The following TCP11L1 variants were observed in gnomAD, a reference collection of about 807,000 sequenced individuals.
TCP11L1 encodes T-complex protein 11-like protein 1.
In TCP11L1, 28 loss-of-function variants were observed where a neutral mutation model predicts 48.9. That is an observed-to-expected ratio of 0.57 (90% CI 0.42 to 0.78). TCP11L1 has a LOEUF of 0.78. TCP11L1 is among the 30% of genes least tolerant of loss of function. The probability of loss-of-function intolerance (pLI) is 0.00; values close to 1 mark genes in which losing one functional copy is unlikely to be tolerated. For synonymous variants in TCP11L1, 204 were observed against 231.9 expected (o/e 0.88, Z 1.09); for missense variants, 505 against 613.4 (o/e 0.82, Z 1.87).
intron 2 of TCP11L1, among the ~76,000 whole-genome samples, 187 bp from the exon 3 acceptor site, chr11:33,054,406 T>G (rs1214878632): frequency 2.0e-5 from 3 of 152,210 alleles, no homozygotes; most frequent in African/African-American, 7.2e-5. Flanking sequence ...TGATCTCTGC[T>G]TTTAGGATTC....
intron 1 of TCP11L1, among the ~76,000 whole-genome samples, chr11:33,041,520 G>A (rs1285926768): frequency 6.6e-6 from 1 of 152,196 alleles, no homozygotes; most frequent in Non-Finnish European, 1.5e-5. Flanking sequence ...GGAGGCTGAG[G>A]CGGGCGGATC....
At chr11:33,046,390 C>G (rs1853994987) in intron 2 of TCP11L1, among the ~76,000 whole-genome samples, 1 of 152,234 alleles carries the variant, frequency 6.6e-6, no homozygotes, top group Non-Finnish European at 1.5e-5. Context: ...AATGTCAAAC[C>G]AGTACTAAGC....
Position 33,068,812 on chromosome 11 carries a change from A to G in TCP11L1, c.1280A>G (p.Gln427Arg). ...GACAAGGAGACCGTGCTCAAGGGCC[A>G]GATCCAGGCCGTGGCCAGTCCCGAT... ...TTDKETVLKG[Q>R]IQAVASPDDP... The change falls in exon 9 of 10, where the codon CAG (glutamine) becomes CGG (arginine). Residue 427 changes from glutamine (Q) to arginine (R), a missense_variant. Coordinates refer to ENST00000334274, the MANE Select transcript of TCP11L1 (RefSeq NM_018393.4). The G allele has an allele frequency of 6.2e-7, 1 of 1,614,152 alleles. No homozygotes were observed. The highest frequency in any genetic ancestry group is 8.5e-7 in the Non-Finnish European group (1 of 1,180,006).
Position 33,057,170 on chromosome 11 carries a change from G to A in TCP11L1, c.352G>A (p.Val118Met). 1 of 1,614,090 alleles carries A rather than the reference G, an allele frequency of 6.2e-7. No individual in the cohort carries two copies. Residue 118 changes from valine (V) to methionine (M), a missense_variant, in exon 4 of 10, where the codon GTG (valine) becomes ATG (methionine). Transcript: ENST00000334274. ...VHKAFWDCLS[V>M]QLSEDPPAYD... ...TAAAGCGTTTTGGGATTGCTTGAGT[G>A]TGCAGCTAAGTGAAGATCCCCCAGC...
Position 33,046,514 on chromosome 11 carries a change from G to A in TCP11L1, c.163+2578G>A, listed in dbSNP as rs1382887427. On this transcript the variant is annotated intron_variant, in intron 2 of 9. Coordinates refer to ENST00000334274, the MANE Select transcript of TCP11L1 (RefSeq NM_018393.4). ...TAACCAAAAAAGTATATCAACATTT[G>A]TTTGTATATGCATGTTTTTAGGAAT... Among the ~76,000 whole-genome samples the A allele has an allele frequency of 5.6e-5, 3 of 53,508 alleles. No individual in the cohort carries two copies. The East Asian group carries it at 2.0e-3, about 35-fold the overall frequency. The allele number at this position is 53,508 out of a possible 152,430, so 35.1% of individuals were successfully genotyped here. A position where few individuals can be genotyped will look rare whatever the true frequency, so the allele number is the denominator to read the frequency against.
chr11:33,063,120 C>T (rs761645348), intron 7 of TCP11L1, among the ~76,000 whole-genome samples: 3 of 152,220 alleles, frequency 2.0e-5, no homozygotes, highest in Non-Finnish European at 4.4e-5. Flanking sequence ...CCTCCTTGGC[C>T]TCCCAGTGTT....
intron 2 of TCP11L1, among the ~76,000 whole-genome samples, chr11:33,049,690 C>T (rs1854101168): frequency 6.6e-6 from 1 of 152,202 alleles, no homozygotes; most frequent in Admixed American, 6.6e-5. Context: ...GCTAGCACCT[C>T]ACCTCCAGCC....
chr11:33,054,357 C>T (rs1854249610), intron 2 of TCP11L1, among the ~76,000 whole-genome samples: 2 of 151,938 alleles, frequency 1.3e-5, no homozygotes, highest in South Asian at 4.1e-4. Context: ...TTCCTTTGAC[C>T]AGTCTTAGTA....
At chr11:33,064,550 C>A (rs1854557548) in intron 7 of TCP11L1, among the ~76,000 whole-genome samples, 1 of 150,448 alleles carries the variant, frequency 6.6e-6, no homozygotes, top group African/African-American at 2.4e-5. Flanking sequence ...TGGTAGGACC[C>A]AGGACTGTCT....
intron 8 of TCP11L1, among the ~76,000 whole-genome samples, chr11:33,067,181 G>A (rs10742291): frequency 0.32 from 48,434 of 151,972 alleles, 7,996 homozygotes; most frequent in East Asian, 0.42. Context: ...GCACGAGTCC[G>A]CATCTGCACG....
rs1246214082 is a variant in TCP11L1, at chr11:33,043,915, CAA to C, written c.144_145del (p.Arg49SerfsTer7). ...AATAAAGTCAGACTCCTCCAGCCCC[CAA>C]AGAGTGCAGAGACCTCACTGTAAGC... ...KAIKSDSSSP[Q>X]RVQRPHSSPP... is the part of the protein sequence containing the mutation. On this transcript the variant is annotated frameshift_variant, in exon 2 of 10. Transcript: ENST00000334274. LOFTEE classifies it high-confidence loss of function. 6.2e-7 allele frequency: 1 copy of C among 1,611,256 alleles called. No individual in the cohort carries two copies. Among genetic ancestry groups the C allele is most frequent in the African/African-American group, 1.3e-5 (1 of 74,688 alleles).
Position 33,065,991 on chromosome 11 carries a change from G to GC in TCP11L1, c.1135dup (p.Leu379ProfsTer58). On this transcript the variant is annotated frameshift_variant, in exon 8 of 10. Transcript: ENST00000334274. LOFTEE classifies it high-confidence loss of function. ...AACTCAAGATGATTGTGAAGATTTTGCTAACAGATATGCACCTGCCGTAAG... is the reference window on the plus strand; with the variant it reads ...AACTCAAGATGATTGTGAAGATTTTGCCTAACAGATATGCACCTGCCGTAAG... 2 of 1,614,092 alleles carry GC rather than the reference G, an allele frequency of 1.2e-6. No individual in the cohort carries two copies. The highest frequency in any genetic ancestry group is 1.7e-6 in the Non-Finnish European group (2 of 1,179,964).
chr11:33,057,229 C>G lies in TCP11L1; in HGVS notation c.411C>G (p.Ile137Met). 1.2e-6 allele frequency: 2 copies of G among 1,613,992 alleles called. No homozygotes were observed. Among genetic ancestry groups the G allele is most frequent in the South Asian group, 2.2e-5 (2 of 91,060 alleles). Residue 137 changes from isoleucine to methionine, a missense_variant, in exon 4 of 10, where the codon ATC (isoleucine) becomes ATG (methionine). Transcript: ENST00000334274. Reference sequence around the variant, plus strand: ...ATGCTATCAAACTTGTAGGAGAAATCAAAGAGGTGAGGCAAAGAGTGAATT... The same window carrying G: ...ATGCTATCAAACTTGTAGGAGAAATGAAAGAGGTGAGGCAAAGAGTGAATT... Reference protein sequence around the residue: ...YDHAIKLVGEIKETLLSFLLP... With the variant: ...YDHAIKLVGEMKETLLSFLLP...
chr11:33,058,731 T>G (rs1854387654), intron 5 of TCP11L1, among the ~76,000 whole-genome samples: 1 of 152,136 alleles, frequency 6.6e-6, no homozygotes, highest in Non-Finnish European at 1.5e-5. Context: ...ACAAAAACAG[T>G]ACAATCAACA....
chr11:33,066,171 C>T lies in TCP11L1; in HGVS notation c.1154+160C>T, dbSNP rs1854612917. 1.3e-5 allele frequency among the ~76,000 whole-genome samples: 2 copies of T among 152,150 alleles called. 1 individual carries two copies. Among genetic ancestry groups the T allele is most frequent in the South Asian group, 4.1e-4 (2 of 4,820 alleles). On this transcript the variant is annotated intron_variant, in intron 8 of 9. Transcript: ENST00000334274. ...CAGTTGGTTCACTTGGCGAAGACCC[C>T]AGCAGAGTTTATTTAGGGTCATAGG...
rs1207162168 is a variant in TCP11L1, at chr11:33,065,917, T to A, written c.1060T>A (p.Phe354Ile). 6.2e-7 allele frequency: 1 copy of A among 1,614,224 alleles called. No homozygotes were observed. Among genetic ancestry groups the A allele is most frequent in the South Asian group, 1.1e-5 (1 of 91,084 alleles). ...TILGAVLLVT[F>I]SMAAPGISSQ... ...CCTGGGGGCTGTGTTGCTGGTCACC[T>A]TCAGCATGGCAGCGCCAGGAATTTC... Residue 354 changes from phenylalanine to isoleucine, a missense_variant, in exon 8 of 10, where the codon TTC becomes ATC. This residue lies in a region of TCP11L1 where 335 missense variants were observed against 413.3 expected (regional missense o/e 0.81). Coordinates refer to ENST00000334274, the MANE Select transcript of TCP11L1 (RefSeq NM_018393.4).
At chr11:33,041,281 C>T (rs1291924745) in intron 1 of TCP11L1, 1 of 152,238 alleles carries the variant, frequency 6.6e-6, no homozygotes, top group East Asian at 1.9e-4. Context: ...ATAAAATTAG[C>T]AGCGTTTTGT....
intron 2 of TCP11L1, among the ~76,000 whole-genome samples, chr11:33,052,647 T>A (rs1854195457): frequency 6.6e-6 from 1 of 152,194 alleles, no homozygotes; most frequent in Non-Finnish European, 1.5e-5. Context: ...CCAGTACTTC[T>A]CAAACTGTGG....
chr11:33,060,884 G>C (rs1355792784), intron 6 of TCP11L1, among the ~76,000 whole-genome samples: 1 of 152,178 alleles, frequency 6.6e-6, no homozygotes, highest in Non-Finnish European at 1.5e-5. Context: ...GTCAGGATGG[G>C]AGAGAAGGGA....
Sources: allele counts gnomAD v4.1 joint callset (sites outside exome capture counted in the v4.1 genomes callset), GRCh38; gene constraint gnomAD v4.1.1; regional missense constraint gnomAD v4.1.1; transcripts MANE v1.5; gene names NCBI Gene and HGNC (gene_info 2026-07-23, HGNC 2026-07-21).